The following RAMP3 variants were observed in gnomAD, a reference collection of about 807,000 sequenced individuals.
RAMP3 encodes the protein receptor activity modifying protein 3.
Under a neutral mutation model 13.5 loss-of-function variants are expected in RAMP3, and 14 were observed. The observed-to-expected ratio is 1.04, with a 90% CI of 0.69 to 1.63. The LOEUF (loss-of-function observed/expected upper bound fraction) is 1.63, where lower values mean the gene tolerates loss of function less well. Among genes scored for constraint, RAMP3 ranks in the 40% most tolerant of loss-of-function variants. The pLI is 0.00. For synonymous variants in RAMP3, 106 were observed against 88.3 expected, an observed-to-expected ratio of 1.20 and a Z score of -1.12; for missense variants, 200 against 204.8, an observed-to-expected ratio of 0.98 and a Z score of 0.14.
In RAMP3 at chr7:45,157,846, G is replaced by T. The variant is rs2128654185; in HGVS notation, c.18G>T (p.Leu6=). 1.4e-6 allele frequency: 2 copies of T among 1,425,584 alleles called. No homozygotes were observed. Among genetic ancestry groups the T allele is most frequent in the South Asian group, 1.5e-5 (1 of 66,294 alleles). The allele number at this position is 1,425,584 out of a possible 1,614,324, so 88.3% of individuals were successfully genotyped here. Residue 6 remains leucine (L), a synonymous_variant, in exon 1 of 3, where the codon CTG becomes CTT. Coordinates refer to ENST00000242249, the MANE Select transcript of RAMP3 (RefSeq NM_005856.3). ...GGCCAGCCATGGAGACTGGAGCGCT[G>T]CGGCGCCCGCAACTTCTCCCGTTGC... The part of the protein sequence containing the change: METGA[L]RRPQLLPLLL...
At chr7:45,157,914 G>A in intron 1 of RAMP3, 28 bp downstream of exon 1, 3 of 1,345,964 alleles carry the variant, frequency 2.2e-6, no homozygotes, top group East Asian at 3.1e-5. Flanking sequence ...CGCACCGGGG[G>A]CGCCCCCACT....
Position 45,183,906 on chromosome 7 carries a change from A to C in RAMP3, c.*494A>C. On this transcript the variant is annotated 3_prime_UTR_variant, in exon 3 of 3. Transcript: ENST00000242249. ...CAGAAAGATAGGCAGGGGCTCTTGGAAGACGTTCCGTGCTGTGACCTCCGA... is the reference window on the plus strand; with the variant it reads ...CAGAAAGATAGGCAGGGGCTCTTGGCAGACGTTCCGTGCTGTGACCTCCGA... 2.3e-6 allele frequency: 1 copy of C among 427,766 alleles called. No homozygotes were observed. The highest frequency in any genetic ancestry group is 4.1e-6 in the Non-Finnish European group (1 of 242,974). The allele number at this position is 427,766 out of a possible 1,614,324, so 26.5% of individuals were successfully genotyped here. A position where few individuals can be genotyped will look rare whatever the true frequency, so the allele number is the denominator to read the frequency against.
intron 1 of RAMP3, chr7:45,163,398 GCTACAAGAGAAC>G (rs1412025221): frequency 1.0e-6 from 1 of 985,364 alleles, no homozygotes; most frequent in Non-Finnish European, 1.2e-6. Context: ...CTAGAGCTGT[GCTACAAGAGAAC>G]CTGGGGTCAG....
intron 1 of RAMP3, among the ~76,000 whole-genome samples, chr7:45,173,574 G>A (rs1292179740): frequency 6.6e-6 from 1 of 152,228 alleles, no homozygotes; most frequent in Non-Finnish European, 1.5e-5. Context: ...GTGGACAGCT[G>A]AGCAGGAGGT....
intron 2 of RAMP3, among the ~76,000 whole-genome samples, chr7:45,181,060 C>G (rs1260253118): frequency 6.6e-6 from 1 of 152,362 alleles, no homozygotes; most frequent in South Asian, 2.1e-4. Context: ...TCCTCTGTGC[C>G]AGGCACTTGC....
At chr7:45,161,917 C>T (rs10248761) in intron 1 of RAMP3, among the ~76,000 whole-genome samples, 3,875 of 151,986 alleles carry the variant, frequency 0.025, 175 homozygotes, top group African/African-American at 0.089. Flanking sequence ...CTCAGGAGAC[C>T]CACCCAAGGG....
At chr7:45,174,223 A>G (rs930973654) in intron 1 of RAMP3, among the ~76,000 whole-genome samples, 1 of 152,120 alleles carries the variant, frequency 6.6e-6, no homozygotes, top group Non-Finnish European at 1.5e-5. Context: ...CTTTCTGGGC[A>G]TCAGCCTCTC....
chr7:45,168,656 T>G (rs539205860), intron 1 of RAMP3, among the ~76,000 whole-genome samples: 1 of 139,760 alleles, frequency 7.2e-6, no homozygotes, highest in African/African-American at 3.0e-5. Flanking sequence ...TAACAGTCTC[T>G]CTCTGTGTGT....
chr7:45,157,821 G>GGCCA lies in RAMP3; in HGVS notation c.-3_1dup, dbSNP rs1785786500. 3 of 1,342,372 alleles carry GGCCA rather than the reference G, an allele frequency of 2.2e-6. No individual in the cohort carries two copies. The highest frequency in any genetic ancestry group is 2.3e-4 in the Middle Eastern group (1 of 4,426). The allele number at this position is 1,342,372 out of a possible 1,614,324, so 83.2% of individuals were successfully genotyped here. The stretch of plus-strand genomic sequence containing the variant: ...GACCGAGCGTGACCCAGCTGCGGCC[G>GGCCA]GCCAGCCATGGAGACTGGAGCGCTG... On this transcript the variant is annotated 5_prime_UTR_variant, in exon 1 of 3. Transcript: ENST00000242249.
intron 1 of RAMP3, among the ~76,000 whole-genome samples, chr7:45,160,231 C>T (rs536992238): frequency 4.8e-5 from 7 of 146,468 alleles, no homozygotes; most frequent in Non-Finnish European, 1.0e-4. Flanking sequence ...ACTCAGGAGG[C>T]TGAGGCAGAG....
rs1239419393 is a variant in RAMP3, at chr7:45,157,960, T to A, written c.58+74T>A. 3 of 1,255,360 alleles carry A rather than the reference T, an allele frequency of 2.4e-6. No homozygotes were observed. The African/African-American group carries it at 4.7e-5, about 20-fold the overall frequency. 77.8% of individuals were successfully genotyped at this position (1,255,360 alleles called of 1,614,324 possible). A position where few individuals can be genotyped will look rare whatever the true frequency, so the allele number is the denominator to read the frequency against. On this transcript the variant is annotated intron_variant, in intron 1 of 2. Transcript: ENST00000242249. ...CACCGGACCCGGGTGGACCCGCGCC[T>A]TCCCGCACCTGCGCCGCGGTCCTTC...
At chr7:45,161,404 T>G (rs1456655397) in intron 1 of RAMP3, among the ~76,000 whole-genome samples, 1 of 152,066 alleles carries the variant, frequency 6.6e-6, no homozygotes, top group Non-Finnish European at 1.5e-5. Flanking sequence ...GGGTAATGAA[T>G]ACTTATCAGG....
chr7:45,177,137 C>T (rs1302510609), intron 1 of RAMP3, among the ~76,000 whole-genome samples, 172 bp from the exon 2 acceptor site: 1 of 152,220 alleles, frequency 6.6e-6, no homozygotes, highest in African/African-American at 2.4e-5. Flanking sequence ...AGCCTCCTTT[C>T]TGCACTGACA....
chr7:45,180,305 T>G (rs1408169031), intron 2 of RAMP3, among the ~76,000 whole-genome samples: 1 of 152,224 alleles, frequency 6.6e-6, no homozygotes, highest in Admixed American at 6.5e-5. Flanking sequence ...TGCCTGCCCA[T>G]GCCCTGCAGC....
At chr7:45,160,334 A>C (rs1785841038) in intron 1 of RAMP3, among the ~76,000 whole-genome samples, 1 of 59,580 alleles carries the variant, frequency 1.7e-5, no homozygotes, top group South Asian at 5.2e-4. Flanking sequence ...CTGCCTCAAA[A>C]AAAAAAAAAA....
chr7:45,181,899 T>A (rs1165364856), intron 2 of RAMP3, among the ~76,000 whole-genome samples: 1 of 152,202 alleles, frequency 6.6e-6, no homozygotes, highest in African/African-American at 2.4e-5. Context: ...GGTGTGTGTC[T>A]GACCTACATT....
chr7:45,162,153 A>T (rs1390823962), intron 1 of RAMP3, among the ~76,000 whole-genome samples: 1 of 152,146 alleles, frequency 6.6e-6, no homozygotes, highest in African/African-American at 2.4e-5. Context: ...GGTGCAGTTG[A>T]GCAGGGTGGC....
chr7:45,177,329 G>A lies in RAMP3; in HGVS notation c.79G>A (p.Gly27Ser), dbSNP rs779567725. The A allele has an allele frequency of 1.7e-5, 27 of 1,614,034 alleles. No individual in the cohort carries two copies. The highest frequency in any genetic ancestry group is 1.6e-4 in the Middle Eastern group (1 of 6,082). ...LLCGGCPRAG[G>S]CNETGMLERL... ...TCCAGGTGGGTGTCCCAGAGCAGGC[G>A]GCTGCAACGAGACAGGCATGTTGGA... Residue 27 changes from glycine to serine, a missense_variant, in exon 2 of 3, where the codon GGC becomes AGC. Coordinates refer to ENST00000242249, the MANE Select transcript of RAMP3 (RefSeq NM_005856.3).
chr7:45,177,165 G>A, intron 1 of RAMP3, 144 bp from the exon 2 acceptor site: 1 of 1,036,084 alleles, frequency 9.7e-7, no homozygotes, highest in Admixed American at 2.5e-5. Flanking sequence ...CAGGGTGGAG[G>A]GTGAAGGACT....
Sources: allele counts gnomAD v4.1 joint callset (sites outside exome capture counted in the v4.1 genomes callset), GRCh38; gene constraint gnomAD v4.1.1; transcripts MANE v1.5; gene names NCBI Gene and HGNC (gene_info 2026-07-23, HGNC 2026-07-21).